TTN: variants seen among roughly 807,000 people sequenced by gnomAD.
The protein encoded by TTN is titin, also known as connectin.
Under a neutral mutation model 3,223.0 loss-of-function variants are expected in TTN, and 1,525 were observed. The observed-to-expected ratio is 0.47, with a 90% CI of 0.45 to 0.49. The LOEUF (loss-of-function observed/expected upper bound fraction) is 0.49, where lower values mean the gene tolerates loss of function less well. Among genes scored for constraint, TTN ranks in the 20% least tolerant of loss-of-function variants. The pLI is 0.00. For synonymous variants in TTN, 14,094 were observed against 15,161.0 expected (o/e 0.93, Z 5.17); for missense variants, 40,786 against 43,424.0 (o/e 0.94, Z 5.40).
rs368392265 is a variant in TTN at position 178,761,193 on chromosome 2, C to T, written c.10115-2021G>A. ...CTGCCCTGGCTGAGGGCCTCATCCACGCTCTCCAGGCCTATTGTAATAATC... is the reference window on the plus strand; with the variant it reads ...CTGCCCTGGCTGAGGGCCTCATCCATGCTCTCCAGGCCTATTGTAATAATC... On this transcript the variant is annotated intron_variant, in intron 43 of 362. Transcript: ENST00000589042. Among the ~76,000 whole-genome samples the T allele has an allele frequency of 1.8e-4, 28 of 152,230 alleles. No homozygotes were observed. In the South Asian group the frequency reaches 2.3e-3, roughly 12 times the overall value.
In TTN at chr2:178,725,667, G is replaced by A. The variant is rs754055352; in HGVS notation, c.20555-18C>T. On this transcript the variant is annotated intron_variant, in intron 70 of 362. Transcript: ENST00000589042. Reference sequence around the variant, plus strand: ...TGGTGGTTCTGAACAGGAAAAGATGGATGGAAATTGTTGAAAAGATTGTCC... The same window carrying A: ...TGGTGGTTCTGAACAGGAAAAGATGAATGGAAATTGTTGAAAAGATTGTCC... 1 of 1,555,488 alleles carries A rather than the reference G, an allele frequency of 6.4e-7. No homozygotes were observed. Among genetic ancestry groups the A allele is most frequent in the African/African-American group, 1.4e-5 (1 of 72,908 alleles).
At chr2:178,770,855 C>T in intron 34 of TTN, 180 bp from the exon 35 acceptor site, 1 of 882,762 alleles carries the variant, frequency 1.1e-6, no homozygotes, top group Non-Finnish European at 1.9e-6. Flanking sequence ...TGGGATCCAA[C>T]TGGACATGTA....
At chr2:178,797,906 G>T (rs2093856794) in intron 6 of TTN, among the ~76,000 whole-genome samples, 1 of 151,564 alleles carries the variant, frequency 6.6e-6, no homozygotes, top group African/African-American at 2.4e-5. Flanking sequence ...ATTTAATCAA[G>T]CTGAAATTTA....
In TTN at chr2:178,775,192, C is replaced by A. The variant is rs1402951750; in HGVS notation, c.6519G>T (p.Leu2173Phe). 3 of 1,613,738 alleles carry A rather than the reference C, an allele frequency of 1.9e-6. No individual in the cohort carries two copies. The highest frequency in any genetic ancestry group is 2.5e-6 in the Non-Finnish European group (3 of 1,179,948). ...CTTGTAATTCCTGTGTGAAAGTGAT[C>A]AATTGCTTGGCTACAAGAAAAAGGT... is the stretch of plus-strand genomic sequence containing the variant. Reference protein sequence around the residue: ...HAFLLVQAKQLITFTQELQDV... With the variant: ...HAFLLVQAKQFITFTQELQDV... The change falls in exon 29 of 363, where the codon TTG becomes TTT. Residue 2173 changes from leucine to phenylalanine, a missense_variant. Transcript: ENST00000589042.
At position 178,568,848 on chromosome 2, in the gene TTN, T is replaced by A; in HGVS notation, c.77284A>T (p.Thr25762Ser). ...KSLQAVITNL[T>S]QGEEYLFRVV... Reference sequence around the variant, plus strand: ...CTAAAAAGATATTCTTCCCCTTGAGTTAGGTTGGTAATTACTGCCTGAAGA... The same window carrying A: ...CTAAAAAGATATTCTTCCCCTTGAGATAGGTTGGTAATTACTGCCTGAAGA... Residue 25762 changes from threonine to serine, a missense_variant, in exon 326 of 363, where the codon ACT becomes TCT. Physicochemically the swap from Thr to Ser is moderately conservative, Grantham distance 58 (BLOSUM62 1). Transcript: ENST00000589042. 1.9e-6 allele frequency: 3 copies of A among 1,613,080 alleles called. No homozygotes were observed. The highest frequency in any genetic ancestry group is 2.5e-6 in the Non-Finnish European group (3 of 1,179,550).
chr2:178,703,454 G>T (rs984781378), intron 106 of TTN, among the ~76,000 whole-genome samples: 5 of 152,184 alleles, frequency 3.3e-5, no homozygotes, highest in Admixed American at 3.3e-4. Context: ...AAGTTGACAT[G>T]CTTATGTAAA....
intron 47 of TTN, chr2:178,751,836 C>G: frequency 6.2e-7 from 1 of 1,612,900 alleles, no homozygotes; most frequent in Admixed American, 1.7e-5. Flanking sequence ...CATGTAAAAA[C>G]AACCGGTTCA....
In TTN at chr2:178,603,868, A is replaced by G. The variant is rs747409403; in HGVS notation, c.54811+8T>C. ...GAAATTAGTCCCCAGAAACGGAAGC[A>G]TACTTACATATGGGATCTCCTGCAA... On this transcript the variant is annotated splice_region_variant and intron_variant, in intron 282 of 362. Transcript: ENST00000589042. The G allele has an allele frequency of 4.0e-5, 61 of 1,542,232 alleles. No homozygotes were observed. The South Asian group carries it at 7.5e-4, about 19-fold the overall frequency.
rs1194783923 is a variant in TTN, at chr2:178,776,148, C to A, written c.5716G>T (p.Asp1906Tyr). 1 of 1,614,170 alleles carries A rather than the reference C, an allele frequency of 6.2e-7. No individual in the cohort carries two copies. The highest frequency in any genetic ancestry group is 1.7e-5 in the Admixed American group (1 of 60,022). Residue 1906 changes from aspartate to tyrosine, a missense_variant, in exon 28 of 363, where the codon GAC becomes TAC. Asp to Tyr is a radical substitution (Grantham distance 160, BLOSUM62 -3). Coordinates refer to ENST00000589042, the MANE Select transcript of TTN (RefSeq NM_001267550.2). ...GCGGTGACCTTCACTTCACCTGTGT[C>A]ATATGATTTGCAGTCCACGATGTCC... is the stretch of plus-strand genomic sequence containing the variant. ...YLDIVDCKSY[D>Y]TGEVKVTAEN... is the part of the protein sequence containing the mutation.
At chr2:178,616,105 A>G (rs1172232275) in intron 257 of TTN, among the ~76,000 whole-genome samples, 1 of 151,966 alleles carries the variant, frequency 6.6e-6, no homozygotes, top group Non-Finnish European at 1.5e-5. Context: ...CAAGGAAATA[A>G]TGGCTGATTA....
In TTN at chr2:178,777,872, A is replaced by C; in HGVS notation, c.4312T>G (p.Ser1438Ala). 6.2e-7 allele frequency: 1 copy of C among 1,614,042 alleles called. No homozygotes were observed. Among genetic ancestry groups the C allele is most frequent in the Non-Finnish European group, 8.5e-7 (1 of 1,179,940 alleles). ...SPARMSPARM[S>A]PGRRLEETDE... ...GTCTCCTCCAGCCTACGTCCAGGGG[A>C]CATTCTTGCAGGGGACATCCGTGCA... Residue 1438 changes from serine to alanine, a missense_variant, in exon 25 of 363, where the codon TCC (serine) becomes GCC (alanine). Ser to Ala is a moderately conservative substitution (Grantham distance 99). Transcript: ENST00000589042.
Position 178,709,747 on chromosome 2 carries a change from A to C in TTN, c.28572T>G (p.Thr9524=). The C allele has an allele frequency of 6.2e-7, 1 of 1,613,914 alleles. No individual in the cohort carries two copies. The highest frequency in any genetic ancestry group is 8.5e-7 in the Non-Finnish European group (1 of 1,179,822). ...EGRVAGSQPI[T]VAWYKNNIEI... ...CTATATTATTTTTGTACCAGGCAAC[A>C]GTTATAGGTTGGGAACCAGCCACAC... Residue 9524 remains threonine, a synonymous_variant, in exon 99 of 363, where the codon ACT becomes ACG. Transcript: ENST00000589042.
chr2:178,784,063 G>C lies in TTN; in HGVS notation c.2775+7C>G. The C allele has an allele frequency of 6.2e-7, 1 of 1,612,442 alleles. No homozygotes were observed. The highest frequency in any genetic ancestry group is 8.5e-7 in the Non-Finnish European group (1 of 1,179,910). ...GACCATGTAACAGCGGGTAACCAGT[G>C]ACCAACCTTGGCTTCGCGTCCGTGC... On this transcript the variant is annotated splice_region_variant and intron_variant, in intron 16 of 362. Transcript: ENST00000589042.
In TTN at chr2:178,777,510, G is replaced by A; in HGVS notation, c.4555C>T (p.Pro1519Ser). 1 of 1,613,794 alleles carries A rather than the reference G, an allele frequency of 6.2e-7. No individual in the cohort carries two copies. Among genetic ancestry groups the A allele is most frequent in the Non-Finnish European group, 8.5e-7 (1 of 1,179,902 alleles). Residue 1519 changes from proline (P) to serine (S), a missense_variant, in exon 26 of 363, where the codon CCT (proline) becomes TCT (serine). Coordinates refer to ENST00000589042, the MANE Select transcript of TTN (RefSeq NM_001267550.2). ...EDGTQSLIIVPATPSDSGEWT... is the reference protein window; with the variant it reads ...EDGTQSLIIVSATPSDSGEWT... ...TCCCCAGAATCACTGGGTGTGGCAG[G>A]GACAATAATTAGTGATTGAGTACCA...
chr2:178,751,521 C>T (rs768837501), intron 47 of TTN: 23 of 1,613,284 alleles, frequency 1.4e-5, no homozygotes, highest in Non-Finnish European at 1.9e-5. Context: ...CTATCTTCTC[C>T]CCTTTCAACT....
intron 12 of TTN, 137 bp downstream of exon 12, chr2:178,789,841 C>T (rs1277308145): frequency 3.8e-6 from 4 of 1,065,192 alleles, no homozygotes; most frequent in African/African-American, 3.2e-5. Flanking sequence ...TAATCAGTCT[C>T]ATATTTACCA....
At chr2:178,672,592 A>C in intron 153 of TTN, 43 bp downstream of exon 153, 3 of 1,609,518 alleles carry the variant, frequency 1.9e-6, no homozygotes, top group South Asian at 1.1e-5. Flanking sequence ...GTCTTAACGA[A>C]AAAAGACAGA....
At position 178,782,898 on chromosome 2, in the gene TTN, C is replaced by T. The variant is rs1330606775; in HGVS notation, c.3008G>A (p.Arg1003His). Residue 1003 changes from arginine to histidine, a missense_variant, in exon 18 of 363, where the codon CGC becomes CAC. By Grantham distance (29) the Arg-to-His change is conservative (BLOSUM62 0). Coordinates refer to ENST00000589042, the MANE Select transcript of TTN (RefSeq NM_001267550.2). ...CCCGCTGTCTTCCGCAAATGCTTCG[C>T]GAATCATAAGACGAGCAATTCCACT... is the stretch of plus-strand genomic sequence containing the variant. ...FQSGIARLMI[R>H]EAFAEDSGRF... 5.0e-6 allele frequency: 8 copies of T among 1,613,946 alleles called. No individual in the cohort carries two copies. Among genetic ancestry groups the T allele is most frequent in the South Asian group, 2.2e-5 (2 of 91,084 alleles).
rs142262519 is a variant in TTN, at chr2:178,776,668, T to G, written c.5196A>C (p.Pro1732=). ...CATGGAGCCACTCCACCACCATCGT[T>G]GGGTCACCAATGGGTGTTAGCCTGC... The part of the protein sequence containing the change: ...FECRLTPIGD[P]TMVVEWLHDG... Residue 1732 remains proline (P), a synonymous_variant, in exon 28 of 363, where the codon CCA becomes CCC. Transcript: ENST00000589042. 1.1e-5 allele frequency: 18 copies of G among 1,614,002 alleles called. No individual in the cohort carries two copies. The Admixed American group carries it at 2.8e-4, about 25-fold the overall frequency.
Sources: allele counts gnomAD v4.1 joint callset (sites outside exome capture counted in the v4.1 genomes callset), GRCh38; gene constraint gnomAD v4.1.1; transcripts MANE v1.5; gene names NCBI Gene and HGNC (gene_info 2026-07-23, HGNC 2026-07-21).